AGAP1: variants seen among roughly 807,000 people sequenced by gnomAD.
AGAP1 encodes arf-GAP with GTPase, ANK repeat and PH domain-containing protein 1.
AGAP1 carries 29 observed loss-of-function variants against 105.3 expected under a neutral mutation model. The ratio of observed to expected loss-of-function variants is 0.28; its 90% CI spans 0.21 to 0.38. The LOEUF is 0.38. Ranked by LOEUF, AGAP1 falls within the 10% of genes least tolerant of loss-of-function variation. AGAP1 has a pLI of 1.00. For missense variants in AGAP1, 998 were observed against 1,165.1 expected (o/e 0.86, Z 2.09); for synonymous variants, 509 against 485.9 (o/e 1.05, Z -0.63).
intron 1 of AGAP1, among the ~76,000 whole-genome samples, chr2:235,594,557 A>G (rs1168411294): frequency 6.6e-6 from 1 of 152,098 alleles, no homozygotes; most frequent in Non-Finnish European, 1.5e-5. Flanking sequence ...AGAATTGACA[A>G]TATGATGCGG....
chr2:235,549,425 T>G lies in AGAP1; in HGVS notation c.163+54576T>G, dbSNP rs1943731213. The stretch of plus-strand genomic sequence containing the variant: ...CTCCCCCAGCTACTTGGAGAGATGC[T>G]GTTGAGGTTGGGAGGCAATGCAGGG... On this transcript the variant is annotated intron_variant, in intron 1 of 17. Transcript: ENST00000304032. The surrounding 1 kb of genome is among the most constrained non-coding windows in gnomAD (Gnocchi z 4.2). Among the ~76,000 whole-genome samples, 1 of 152,080 alleles carries G rather than the reference T, an allele frequency of 6.6e-6. No individual in the cohort carries two copies. Among genetic ancestry groups the G allele is most frequent in the Non-Finnish European group, 1.5e-5 (1 of 68,006 alleles).
chr2:236,017,353 C>A (rs982860653), intron 13 of AGAP1, among the ~76,000 whole-genome samples: 15 of 151,780 alleles, frequency 9.9e-5, no homozygotes, highest in African/African-American at 3.6e-4. Flanking sequence ...TTGTCAAATT[C>A]CTTTCTGATT....
Position 235,793,053 on chromosome 2 carries a change from G to A in AGAP1, c.674-4706G>A, listed in dbSNP as rs1364902596. 6.6e-6 allele frequency among the ~76,000 whole-genome samples: 1 copy of A among 152,176 alleles called. No homozygotes were observed. The highest frequency in any genetic ancestry group is 1.5e-5 in the Non-Finnish European group (1 of 68,028). On this transcript the variant is annotated intron_variant, in intron 6 of 17. Transcript: ENST00000304032. This position sits in a 1 kb window ranked among gnomAD's most constrained non-coding sequence, Gnocchi z 5.3. ...GAGGAGGAAAACCAGGGACGTCAGGGTTCATGGAAGCCCGAGGAGGATGCA... is the reference window on the plus strand; with the variant it reads ...GAGGAGGAAAACCAGGGACGTCAGGATTCATGGAAGCCCGAGGAGGATGCA...
intron 12 of AGAP1, among the ~76,000 whole-genome samples, chr2:235,935,010 TTAGA>T (rs1235527351): frequency 1.7e-4 from 26 of 152,076 alleles, no homozygotes; most frequent in Admixed American, 2.0e-4. Flanking sequence ...AAACTCCTAA[TTAGA>T]TAGATTCCTT....
chr2:235,738,563 C>T (rs556618338), intron 3 of AGAP1, among the ~76,000 whole-genome samples: 2,405 of 144,050 alleles, frequency 0.017, 68 homozygotes, highest in African/African-American at 0.054. Flanking sequence ...TTCTTTCTTT[C>T]TTTTTTTTTT....
chr2:235,764,046 T>TGTGA (rs1476314943), intron 6 of AGAP1, among the ~76,000 whole-genome samples: 1 of 151,890 alleles, frequency 6.6e-6, no homozygotes, highest in East Asian at 1.9e-4. Flanking sequence ...CGTGCGTGGC[T>TGTGA]CCGGCCCGTG....
At chr2:235,531,448 T>G (rs1943042046) in intron 1 of AGAP1, among the ~76,000 whole-genome samples, 1 of 152,068 alleles carries the variant, frequency 6.6e-6, no homozygotes, top group Non-Finnish European at 1.5e-5. Flanking sequence ...TCTGCATCGG[T>G]CTTCTCTTTT....
At chr2:235,999,910 G>A (rs1309490765) in intron 13 of AGAP1, among the ~76,000 whole-genome samples, 2 of 152,076 alleles carry the variant, frequency 1.3e-5, no homozygotes, top group Non-Finnish European at 2.9e-5. Context: ...TGCTCCTGAT[G>A]TGTGCCCATA....
chr2:235,997,665 G>A (rs1351303550), intron 13 of AGAP1, among the ~76,000 whole-genome samples: 2 of 152,146 alleles, frequency 1.3e-5, no homozygotes, highest in Non-Finnish European at 2.9e-5. Context: ...GCGGTTTTGA[G>A]AGCTTCTCAG....
chr2:236,079,835 A>G (rs1052760034), intron 16 of AGAP1, among the ~76,000 whole-genome samples: 1 of 152,222 alleles, frequency 6.6e-6, no homozygotes, highest in African/African-American at 2.4e-5. Flanking sequence ...GCTGAAGACT[A>G]ACACTCAAGG....
rs1559357671 is a variant in AGAP1, at chr2:235,692,164, CG to C, written c.164-17010del. The stretch of plus-strand genomic sequence containing the variant: ...GCGTTATGTATCCATAAGCCAAAGC[CG>C]GGGGCTCCCTGGCAGATGCCCCTAC... On this transcript the variant is annotated intron_variant, in intron 1 of 17. Coordinates refer to ENST00000304032, the MANE Select transcript of AGAP1 (RefSeq NM_001037131.3). This position sits in a 1 kb window ranked among gnomAD's most constrained non-coding sequence, Gnocchi z 5.8. 6.6e-6 allele frequency among the ~76,000 whole-genome samples: 1 copy of C among 152,092 alleles called. No homozygotes were observed. Among genetic ancestry groups the C allele is most frequent in the Non-Finnish European group, 1.5e-5 (1 of 68,016 alleles).
chr2:235,857,901 C>T (rs921987964), intron 9 of AGAP1, among the ~76,000 whole-genome samples: 2 of 152,244 alleles, frequency 1.3e-5, no homozygotes, highest in African/African-American at 2.4e-5. Context: ...TTTTTTGCCA[C>T]ACTGTCTGCC....
At chr2:236,008,310 A>G (rs2125548938) in intron 13 of AGAP1, among the ~76,000 whole-genome samples, 1 of 152,332 alleles carries the variant, frequency 6.6e-6, no homozygotes, top group South Asian at 2.1e-4. Context: ...CCTCAGTGTC[A>G]GTTCCCTGAC....
intron 9 of AGAP1, among the ~76,000 whole-genome samples, chr2:235,871,908 A>G (rs2049462452): frequency 6.6e-6 from 1 of 152,216 alleles, no homozygotes; most frequent in Admixed American, 6.5e-5. Context: ...CAGGGACACC[A>G]GTGCCACGAA....
intron 12 of AGAP1, among the ~76,000 whole-genome samples, chr2:235,943,280 T>C (rs982207310): frequency 1.4e-4 from 21 of 152,156 alleles, no homozygotes; most frequent in African/African-American, 5.1e-4. Flanking sequence ...ATAACATTGG[T>C]CAAATCTTTT....
rs986937552 is a variant in AGAP1, at chr2:235,621,951, C to T, written c.164-87228C>T. Among the ~76,000 whole-genome samples, 3 of 152,004 alleles carry T rather than the reference C, an allele frequency of 2.0e-5. No individual in the cohort carries two copies. On this transcript the variant is annotated intron_variant, in intron 1 of 17. Transcript: ENST00000304032. The surrounding 1 kb of genome is among the most constrained non-coding windows in gnomAD (Gnocchi z 4.1). ...GCCACTGTGTGGATGTTTCTGACGG[C>T]CTCTTACAGACTCTGTCCTTTTTGT...
intron 13 of AGAP1, among the ~76,000 whole-genome samples, chr2:235,984,464 C>G (rs2055220950): frequency 7.1e-6 from 1 of 141,462 alleles, no homozygotes; most frequent in South Asian, 2.3e-4. Context: ...AAGGAACCAC[C>G]AAATTCTTTT....
chr2:236,043,849 G>C (rs973833833), intron 15 of AGAP1, among the ~76,000 whole-genome samples: 4 of 152,160 alleles, frequency 2.6e-5, no homozygotes. Flanking sequence ...GTATTTAGAG[G>C]GGAAAGATCT....
chr2:235,521,777 T>C (rs1360142469), intron 1 of AGAP1, among the ~76,000 whole-genome samples: 1 of 151,692 alleles, frequency 6.6e-6, no homozygotes, highest in Non-Finnish European at 1.5e-5. Flanking sequence ...TGTGTGTGTG[T>C]GTGTTGCTAT....
Sources: gnomAD v4.1 joint callset for allele counts (sites outside exome capture counted in the v4.1 genomes callset) on GRCh38, gnomAD v4.1.1 for gene constraint, Gnocchi (gnomAD v3.1) non-coding constraint, MANE v1.5 for transcripts, NCBI Gene and HGNC (gene_info 2026-07-23, HGNC 2026-07-21) for gene names.